SNX29: variants seen among roughly 807,000 people sequenced by gnomAD.
The protein encoded by SNX29 is sorting nexin 29.
In SNX29, 78 loss-of-function variants were observed where a neutral mutation model predicts 102.1. The ratio of observed to expected loss-of-function variants is 0.76; its 90% CI spans 0.64 to 0.92. The LOEUF is 0.92. Ranked by LOEUF, SNX29 falls within the 40% of genes least tolerant of loss-of-function variation. The probability of loss-of-function intolerance (pLI) is 0.00; values close to 1 mark genes in which losing one functional copy is unlikely to be tolerated. For missense variants in SNX29, 1,280 were observed against 1,061.7 expected, an observed-to-expected ratio of 1.21 and a Z score of -2.86; for synonymous variants, 580 against 414.5, an observed-to-expected ratio of 1.40 and a Z score of -4.85.
At chr16:12,426,227 C>T (rs1471927201) in intron 18 of SNX29, among the ~76,000 whole-genome samples, 2 of 152,176 alleles carry the variant, frequency 1.3e-5, no homozygotes, top group Admixed American at 6.5e-5. Flanking sequence ...GTTTCCCACT[C>T]ATGCCACACA....
At chr16:12,101,210 A>G (rs2052995743) in intron 11 of SNX29, among the ~76,000 whole-genome samples, 1 of 151,024 alleles carries the variant, frequency 6.6e-6, no homozygotes, top group Non-Finnish European at 1.5e-5. Context: ...GGCTGAAGGG[A>G]GCAGCCTATT....
intron 19 of SNX29, among the ~76,000 whole-genome samples, chr16:12,489,478 C>G (rs2088427331): frequency 6.6e-6 from 1 of 152,116 alleles, no homozygotes; most frequent in South Asian, 2.1e-4. Flanking sequence ...GGATTCAGAT[C>G]CTGCCCCCTC....
chr16:12,168,154 A>G (rs2076060849), intron 13 of SNX29, among the ~76,000 whole-genome samples: 1 of 152,216 alleles, frequency 6.6e-6, no homozygotes, highest in African/African-American at 2.4e-5. Context: ...CTCTGAAGGA[A>G]AAGTGTAGGC....
chr16:12,435,081 G>C (rs915138495), intron 18 of SNX29, among the ~76,000 whole-genome samples: 9 of 152,094 alleles, frequency 5.9e-5, no homozygotes, highest in Non-Finnish European at 7.4e-5. Flanking sequence ...CCCAGGCCCA[G>C]GAGAGGGTTG....
intron 20 of SNX29, among the ~76,000 whole-genome samples, chr16:12,559,854 A>C (rs2078615493): frequency 6.6e-6 from 1 of 152,140 alleles, no homozygotes; most frequent in South Asian, 2.1e-4. Flanking sequence ...GACTGCTTTG[A>C]TTTAAAATAC....
intron 13 of SNX29, among the ~76,000 whole-genome samples, chr16:12,170,294 C>T (rs756719280): frequency 7.2e-5 from 11 of 151,796 alleles, no homozygotes; most frequent in Non-Finnish European, 1.3e-4. Context: ...TGACAGGGAG[C>T]GGGTTCCTTA....
intron 20 of SNX29, among the ~76,000 whole-genome samples, chr16:12,530,168 C>T (rs969158575): frequency 2.0e-5 from 3 of 152,214 alleles, no homozygotes; most frequent in Admixed American, 6.5e-5. Flanking sequence ...CTGGTAGCCA[C>T]ATAGAAAGTG....
At chr16:12,325,095 T>C (rs1006854963) in intron 15 of SNX29, among the ~76,000 whole-genome samples, 3 of 152,158 alleles carry the variant, frequency 2.0e-5, no homozygotes, top group Non-Finnish European at 1.5e-5. Flanking sequence ...CTGACTTTCC[T>C]TTGCAAAATT....
At chr16:12,564,665 C>G (rs1334716978) in intron 20 of SNX29, among the ~76,000 whole-genome samples, 1 of 152,152 alleles carries the variant, frequency 6.6e-6, no homozygotes, top group African/African-American at 2.4e-5. Flanking sequence ...TGGAACATAT[C>G]TTGTCCACAC....
chr16:12,031,171 C>G (rs1276212503), intron 4 of SNX29, among the ~76,000 whole-genome samples: 1 of 151,894 alleles, frequency 6.6e-6, no homozygotes, highest in Non-Finnish European at 1.5e-5. Flanking sequence ...CTTCTGGGTT[C>G]AGGTGATTCT....
intron 13 of SNX29, among the ~76,000 whole-genome samples, chr16:12,150,367 C>G (rs1013628049): frequency 6.6e-6 from 1 of 152,184 alleles, no homozygotes; most frequent in East Asian, 1.9e-4. Flanking sequence ...GGATTAGAGT[C>G]TGTCTTCCCG....
At position 12,541,607 on chromosome 16, in the gene SNX29, G is replaced by A. The variant is rs976044294; in HGVS notation, c.2318+16766G>A. Among the ~76,000 whole-genome samples, 8 of 152,108 alleles carry A rather than the reference G, an allele frequency of 5.3e-5. No individual in the cohort carries two copies. In the East Asian group the frequency reaches 1.5e-3, roughly 29 times the overall value. ...GACCTCAACCCTGAGGTCACACTCT[G>A]GGCCACATCTCTGTCGGGGTCCATC... is the stretch of plus-strand genomic sequence containing the variant. On this transcript the variant is annotated intron_variant, in intron 20 of 20. Transcript: ENST00000566228.
chr16:12,032,200 CTTCTTTTTTT>C (rs1161065226), intron 4 of SNX29, among the ~76,000 whole-genome samples: 5 of 141,340 alleles, frequency 3.5e-5, no homozygotes, highest in Non-Finnish European at 7.7e-5. Flanking sequence ...TCTTCTTCTT[CTTCTTTTTTT>C]TTTTTTTTTT....
At chr16:12,219,021 G>A (rs530782885) in intron 14 of SNX29, among the ~76,000 whole-genome samples, 74 of 152,190 alleles carry the variant, frequency 4.9e-4, no homozygotes, top group Middle Eastern at 6.8e-3. Context: ...TGATCTGCCC[G>A]CCTTGGCCTC....
At chr16:12,293,712 A>T (rs966684737) in intron 15 of SNX29, among the ~76,000 whole-genome samples, 3 of 152,102 alleles carry the variant, frequency 2.0e-5, no homozygotes, top group Non-Finnish European at 2.9e-5. Flanking sequence ...ACTTTGGGGG[A>T]ATATTTGAAC....
chr16:12,437,349 C>A (rs1462905794), intron 18 of SNX29, among the ~76,000 whole-genome samples: 2 of 152,204 alleles, frequency 1.3e-5, no homozygotes, highest in East Asian at 3.8e-4. Context: ...AGTGGATGGG[C>A]CTGAGGCCCT....
rs1449032481 is a variant in SNX29 at position 12,137,633 on chromosome 16, C to T, written c.1595+7875C>T. 2.6e-5 allele frequency among the ~76,000 whole-genome samples: 4 copies of T among 152,308 alleles called. No individual in the cohort carries two copies. The East Asian group carries it at 5.8e-4, about 22-fold the overall frequency. ...GAAGGCTTTAAATCTCACACTCCACCCTGAGGGTCAGCCTCTGCCTTCCTT... is the reference window on the plus strand; with the variant it reads ...GAAGGCTTTAAATCTCACACTCCACTCTGAGGGTCAGCCTCTGCCTTCCTT... On this transcript the variant is annotated intron_variant, in intron 13 of 20. Transcript: ENST00000566228.
intron 2 of SNX29, among the ~76,000 whole-genome samples, chr16:12,000,048 A>G (rs2056231011): frequency 6.6e-6 from 1 of 151,902 alleles, no homozygotes; most frequent in Non-Finnish European, 1.5e-5. Context: ...GACAAGGAGG[A>G]TGGAGGCCAC....
Position 12,536,602 on chromosome 16 carries a change from A to C in SNX29, c.2318+11761A>C, listed in dbSNP as rs146755583. Among the ~76,000 whole-genome samples the C allele has an allele frequency of 4.8e-3, 736 of 152,226 alleles. 14 individuals carry two copies. The highest frequency in any genetic ancestry group is 0.025 in the East Asian group (132 of 5,180). On this transcript the variant is annotated intron_variant, in intron 20 of 20. Transcript: ENST00000566228. ...TCACACCTAGCACAGAGAACGCACTAACTAGTTTGGCTGTGGCTGCAGCAG... is the reference window on the plus strand; with the variant it reads ...TCACACCTAGCACAGAGAACGCACTCACTAGTTTGGCTGTGGCTGCAGCAG...
Sources: allele counts gnomAD v4.1 joint callset (sites outside exome capture counted in the v4.1 genomes callset), GRCh38; gene constraint gnomAD v4.1.1; transcripts MANE v1.5; gene names NCBI Gene and HGNC (gene_info 2026-07-23, HGNC 2026-07-21).